Variants in SEZ6 observed in about 807,000 individuals in gnomAD.
SEZ6 encodes seizure protein 6 homolog.
In SEZ6, 53 loss-of-function variants were observed where a neutral mutation model predicts 101.0. That is an observed-to-expected ratio of 0.52 (90% confidence interval 0.42 to 0.66). The LOEUF is 0.66. Among genes scored for constraint, SEZ6 ranks in the 30% least tolerant of loss-of-function variants. The pLI, the probability that SEZ6 is intolerant of heterozygous loss-of-function variation, is 0.00. For missense variants in SEZ6, 1,102 were observed against 1,289.4 expected (o/e 0.85, Z 2.23); for synonymous variants, 488 against 512.2 (o/e 0.95, Z 0.64).
At chr17:28,998,094 G>A (rs1470128791) in intron 1 of SEZ6, among the ~76,000 whole-genome samples, 1 of 151,936 alleles carries the variant, frequency 6.6e-6, no homozygotes, top group Non-Finnish European at 1.5e-5. Context: ...GGGAGGGAAG[G>A]AGAGAGGAAG....
Position 29,005,787 on chromosome 17 carries a change from C to A in SEZ6, c.55+28G>T. ...CCTGGGGCCCCGCTCCCGCCCCCGT[C>A]CTGCCGCCGGATGCCGGGGTCCCTT... is the stretch of plus-strand genomic sequence containing the variant. On this transcript the variant is annotated intron_variant, in intron 1 of 16. Coordinates refer to ENST00000317338, the MANE Select transcript of SEZ6 (RefSeq NM_178860.5). This position sits in a 1 kb window ranked among gnomAD's most constrained non-coding sequence, Gnocchi z 4.8. 1 of 1,479,414 alleles carries A rather than the reference C, an allele frequency of 6.8e-7. No homozygotes were observed. The highest frequency in any genetic ancestry group is 2.1e-5 in the Admixed American group (1 of 46,576). The allele number at this position is 1,479,414 out of a possible 1,614,324, so 91.6% of individuals were successfully genotyped here.
intron 3 of SEZ6, among the ~76,000 whole-genome samples, chr17:28,979,271 C>G (rs2041265128): frequency 6.6e-6 from 1 of 152,174 alleles, no homozygotes; most frequent in Non-Finnish European, 1.5e-5. Context: ...TGTCTTCCCC[C>G]ACCTCTGCAT....
chr17:28,990,121 G>A lies in SEZ6; in HGVS notation c.56-8082C>T, dbSNP rs2041436612. On this transcript the variant is annotated intron_variant, in intron 1 of 16. Coordinates refer to ENST00000317338, the MANE Select transcript of SEZ6 (RefSeq NM_178860.5). Reference sequence around the variant, plus strand: ...AGAATGAAAGACCACCAGGTTTGGAGGCTGAGAGGGGCCTGAATTCTGCTG... The same window carrying A: ...AGAATGAAAGACCACCAGGTTTGGAAGCTGAGAGGGGCCTGAATTCTGCTG... Among the ~76,000 whole-genome samples the A allele has an allele frequency of 1.3e-5, 2 of 152,176 alleles. 1 individual carries two copies. Among genetic ancestry groups the A allele is most frequent in the South Asian group, 4.1e-4 (2 of 4,832 alleles).
intron 1 of SEZ6, among the ~76,000 whole-genome samples, chr17:28,998,239 C>T (rs533166701): frequency 1.4e-4 from 22 of 152,142 alleles, no homozygotes; most frequent in Admixed American, 2.6e-4. Flanking sequence ...GCATGGGGGG[C>T]GCTCAGTGGT....
chr17:29,000,721 A>C (rs2041604426), intron 1 of SEZ6, among the ~76,000 whole-genome samples: 1 of 152,164 alleles, frequency 6.6e-6, no homozygotes, highest in African/African-American at 2.4e-5. Flanking sequence ...CTATGGAGCC[A>C]GATGACATGG....
rs967809725 is a variant in SEZ6 at position 29,005,517 on chromosome 17, C to T, written c.55+298G>A. Among the ~76,000 whole-genome samples, 1 of 152,150 alleles carries T rather than the reference C, an allele frequency of 6.6e-6. No individual in the cohort carries two copies. Among genetic ancestry groups the T allele is most frequent in the Admixed American group, 6.5e-5 (1 of 15,284 alleles). On this transcript the variant is annotated intron_variant, in intron 1 of 16. Coordinates refer to ENST00000317338, the MANE Select transcript of SEZ6 (RefSeq NM_178860.5). The surrounding 1 kb of genome is among the most constrained non-coding windows in gnomAD (Gnocchi z 4.8). Reference sequence around the variant, plus strand: ...TGTGGCGAGGTAGCGCGCGGGTGAGCGCGTGTGTGCGGGGAGTGGGTGGCG... The same window carrying T: ...TGTGGCGAGGTAGCGCGCGGGTGAGTGCGTGTGTGCGGGGAGTGGGTGGCG...
Position 28,956,470 on chromosome 17 carries a change from G to A in SEZ6, c.2732-3C>T. Reference sequence around the variant, plus strand: ...GGAGGCAGCAGGTGCCTTGGCAACTGAAGACACAGAGGGTGTGACTGGAGC... The same window carrying A: ...GGAGGCAGCAGGTGCCTTGGCAACTAAAGACACAGAGGGTGTGACTGGAGC... On this transcript the variant is annotated splice_polypyrimidine_tract_variant and splice_region_variant and intron_variant, in intron 14 of 16. Transcript: ENST00000317338. 6.4e-7 allele frequency: 1 copy of A among 1,551,020 alleles called. No individual in the cohort carries two copies. Among genetic ancestry groups the A allele is most frequent in the South Asian group, 1.2e-5 (1 of 84,076 alleles).
chr17:29,005,991 C>CACCGCCGCT lies in SEZ6; in HGVS notation c.-131_-123dup, dbSNP rs1461827117. The CACCGCCGCT allele has an allele frequency of 9.8e-6, 8 of 816,896 alleles. No individual in the cohort carries two copies. The highest frequency in any genetic ancestry group is 3.6e-5 in the African/African-American group (2 of 54,896). 50.6% of individuals were successfully genotyped at this position (816,896 alleles called of 1,614,324 possible). The stretch of plus-strand genomic sequence containing the variant: ...GTAGAGGGAGCGGGGCCGCAGCCGT[C>CACCGCCGCT]ACCGCCGCTGCCGCCGCCAGCGCCT... On this transcript the variant is annotated 5_prime_UTR_variant, in exon 1 of 17. Coordinates refer to ENST00000317338, the MANE Select transcript of SEZ6 (RefSeq NM_178860.5). This position sits in a 1 kb window ranked among gnomAD's most constrained non-coding sequence, Gnocchi z 4.8.
intron 1 of SEZ6, among the ~76,000 whole-genome samples, chr17:28,999,976 G>A (rs1402942418): frequency 6.6e-6 from 1 of 152,228 alleles, no homozygotes; most frequent in East Asian, 1.9e-4. Flanking sequence ...AAATGTGCTA[G>A]AAGAAAGTGA....
In SEZ6 at chr17:28,957,194, G is replaced by C; in HGVS notation, c.2543C>G (p.Ala848Gly). The C allele has an allele frequency of 6.2e-7, 1 of 1,614,006 alleles. No homozygotes were observed. ...CHGLSAPENG[A>G]RSPEKQLHPA... is the part of the protein sequence containing the mutation. Reference sequence around the variant, plus strand: ...GTGTAGCTGCTTCTCAGGACTTCGGGCACCATTCTCAGGGGCACTGAGACC... The same window carrying C: ...GTGTAGCTGCTTCTCAGGACTTCGGCCACCATTCTCAGGGGCACTGAGACC... The change falls in exon 13 of 17, where the codon GCC (alanine) becomes GGC (glycine). Residue 848 changes from alanine to glycine, a missense_variant. Coordinates refer to ENST00000317338, the MANE Select transcript of SEZ6 (RefSeq NM_178860.5).
At chr17:28,978,093 C>T (rs1242962573) in intron 3 of SEZ6, among the ~76,000 whole-genome samples, 1 of 152,154 alleles carries the variant, frequency 6.6e-6, no homozygotes, top group Non-Finnish European at 1.5e-5. Context: ...GGCACTGCCC[C>T]AAGATAGGTC....
rs1470968431 is a variant in SEZ6, at chr17:28,955,210, G to A, written c.*752C>T. ...GAATTGGAGGAGGGACTATTAGGGT[G>A]AAGATGTTTGCAACAGCTAAATAAA... On this transcript the variant is annotated 3_prime_UTR_variant, in exon 17 of 17. Transcript: ENST00000317338. 6.0e-6 allele frequency: 1 copy of A among 167,354 alleles called. No homozygotes were observed. The highest frequency in any genetic ancestry group is 1.7e-4 in the East Asian group (1 of 5,978). 10.4% of individuals were successfully genotyped at this position (167,354 alleles called of 1,614,324 possible). A position where few individuals can be genotyped will look rare whatever the true frequency, so the allele number is the denominator to read the frequency against.
rs536176176 is a variant in SEZ6, at chr17:28,959,669, G to A, written c.1771+29C>T. On this transcript the variant is annotated intron_variant, in intron 8 of 16. Coordinates refer to ENST00000317338, the MANE Select transcript of SEZ6 (RefSeq NM_178860.5). This position sits in a 1 kb window ranked among gnomAD's most constrained non-coding sequence, Gnocchi z 4.4. ...CCTGGTATGACCCTGCCTTTTGCCCGGTAGGCCCATCCACTGGTGTCTACT... is the reference window on the plus strand; with the variant it reads ...CCTGGTATGACCCTGCCTTTTGCCCAGTAGGCCCATCCACTGGTGTCTACT... 16 of 1,557,722 alleles carry A rather than the reference G, an allele frequency of 1.0e-5. No individual in the cohort carries two copies. The highest frequency in any genetic ancestry group is 3.6e-5 in the Admixed American group (2 of 55,618).
chr17:28,958,265 AG>A (rs2152683237), intron 10 of SEZ6, 124 bp from the exon 11 acceptor site: 1 of 1,143,794 alleles, frequency 8.7e-7, no homozygotes. Flanking sequence ...GGGCGGGCTC[AG>A]GGATCCATTC....
intron 1 of SEZ6, among the ~76,000 whole-genome samples, chr17:28,982,470 C>T (rs934346683): frequency 9.2e-5 from 14 of 152,174 alleles, no homozygotes; most frequent in Admixed American, 1.3e-4. Context: ...CAAAGTCACG[C>T]GACCAGTTGA....
chr17:28,995,370 G>A (rs2041522821), intron 1 of SEZ6, among the ~76,000 whole-genome samples: 1 of 152,050 alleles, frequency 6.6e-6, no homozygotes, highest in African/African-American at 2.4e-5. Context: ...ATTAGGTGAG[G>A]AATAGGAGTC....
At chr17:28,961,218 ACT>A (rs2040973270) in intron 5 of SEZ6, among the ~76,000 whole-genome samples, 1 of 151,922 alleles carries the variant, frequency 6.6e-6, no homozygotes, top group Non-Finnish European at 1.5e-5. Flanking sequence ...GACCAGGGTA[ACT>A]CTCTTGACTG....
chr17:29,004,379 G>C (rs535727720), intron 1 of SEZ6, among the ~76,000 whole-genome samples: 1 of 152,294 alleles, frequency 6.6e-6, no homozygotes, highest in African/African-American at 2.4e-5. Context: ...CTTCATCCCT[G>C]GGGTGGGTCT....
At chr17:28,981,240 A>G (rs1243510003) in intron 2 of SEZ6, 131 bp downstream of exon 2, 10 of 1,424,282 alleles carry the variant, frequency 7.0e-6, no homozygotes, top group Non-Finnish European at 9.2e-6. Flanking sequence ...TCCAATCTAC[A>G]TGCCTCCTGC....
Sources: gnomAD v4.1 joint callset for allele counts (sites outside exome capture counted in the v4.1 genomes callset) on GRCh38, gnomAD v4.1.1 for gene constraint, Gnocchi (gnomAD v3.1) non-coding constraint, MANE v1.5 for transcripts, NCBI Gene and HGNC (gene_info 2026-07-23, HGNC 2026-07-21) for gene names.